Variants in LINGO2 observed in about 807,000 individuals in gnomAD.
The protein encoded by LINGO2 is leucine rich repeat and Ig domain containing 2, also known as leucine-rich repeat and immunoglobulin-like domain-containing nogo receptor-interacting protein 2.
Under a neutral mutation model 30.6 loss-of-function variants are expected in LINGO2, and 14 were observed. The observed-to-expected ratio is 0.46, with a 90% CI of 0.30 to 0.72. The LOEUF (loss-of-function observed/expected upper bound fraction) is 0.72. Among genes scored for constraint, LINGO2 ranks in the 30% least tolerant of loss-of-function variants. LINGO2 has a pLI of 0.07. For missense variants in LINGO2, 729 were observed against 751.7 expected (o/e 0.97, Z 0.35); for synonymous variants, 317 against 288.5 (o/e 1.10, Z -1.00).
At chr9:28,697,686 T>C in the LINGO2 span, among the ~76,000 whole-genome samples, 1 of 151,966 alleles carries the variant, frequency 6.6e-6, no homozygotes, top group Non-Finnish European at 1.5e-5. Flanking sequence ...TAACATAAGA[T>C]AGGCTAAGGA....
intron 4 of LINGO2, among the ~76,000 whole-genome samples, chr9:28,049,569 T>C (rs1824576055): frequency 6.6e-6 from 1 of 150,668 alleles, no homozygotes; most frequent in Non-Finnish European, 1.5e-5. Flanking sequence ...GGCTTCAGGT[T>C]CATGTTTAAG....
At chr9:28,974,069 A>C in the LINGO2 span, among the ~76,000 whole-genome samples, 6 of 152,236 alleles carry the variant, frequency 3.9e-5, no homozygotes, top group Non-Finnish European at 1.5e-5. Context: ...GAACCAATTC[A>C]AAATAGTAAC....
chr9:27,949,537 G>C lies in LINGO2; in HGVS notation c.1135C>G (p.Gln379Glu). Residue 379 changes from glutamine to glutamate, a missense_variant, in exon 6 of 6, where the codon CAA becomes GAA. Gln to Glu is a conservative substitution (Grantham distance 29). Coordinates refer to ENST00000379992, the Ensembl canonical transcript of LINGO2. ...GTGTCTGGGCCAGCACACATAGGTT[G>C]CTGGCCACCAAACTGCAGGGTGGGC... 6.2e-7 allele frequency: 1 copy of C among 1,614,078 alleles called. No homozygotes were observed. The highest frequency in any genetic ancestry group is 8.5e-7 in the Non-Finnish European group (1 of 1,179,976).
the LINGO2 span, among the ~76,000 whole-genome samples, chr9:28,775,918 T>C: frequency 6.6e-6 from 1 of 152,188 alleles, no homozygotes; most frequent in Admixed American, 6.5e-5. Context: ...TGTAACATCA[T>C]ATATCTTCTC....
chr9:28,635,484 C>G (rs1312283176), intron 1 of LINGO2, among the ~76,000 whole-genome samples: 1 of 151,826 alleles, frequency 6.6e-6, no homozygotes, highest in Non-Finnish European at 1.5e-5. Flanking sequence ...ATTCAGAGAA[C>G]AGGGGGAAAC....
the LINGO2 span, among the ~76,000 whole-genome samples, chr9:28,797,396 A>AGAGAGAGAGAGAGAGAGAGAGAGC: frequency 7.0e-6 from 1 of 143,262 alleles, no homozygotes; most frequent in Non-Finnish European, 1.5e-5. Flanking sequence ...AGAGAGAGAG[A>AGAGAGAGAGAGAGAGAGAGAGAGC]AAGCCTGCAG....
chr9:28,459,846 T>C (rs187868341), intron 2 of LINGO2, among the ~76,000 whole-genome samples: 20 of 152,256 alleles, frequency 1.3e-4, no homozygotes, highest in Admixed American at 1.2e-3. Context: ...ACAATATGTT[T>C]GCATATTGTT....
intron 2 of LINGO2, among the ~76,000 whole-genome samples, chr9:28,438,191 T>C (rs975726426): frequency 3.0e-4 from 45 of 152,260 alleles, no homozygotes; most frequent in African/African-American, 9.9e-4. Context: ...GGATGGTGAA[T>C]TTTATGGGTC....
intron 4 of LINGO2, among the ~76,000 whole-genome samples, chr9:28,183,173 A>C (rs1819418624): frequency 6.6e-6 from 1 of 152,160 alleles, no homozygotes; most frequent in Non-Finnish European, 1.5e-5. Context: ...ATGAAGCTGG[A>C]AGCCATCATC....
At chr9:28,865,739 G>T in the LINGO2 span, among the ~76,000 whole-genome samples, 17 of 152,218 alleles carry the variant, frequency 1.1e-4, no homozygotes, top group Middle Eastern at 3.4e-3. Flanking sequence ...AGCCAAGATC[G>T]TGCCACTGCG....
intron 4 of LINGO2, among the ~76,000 whole-genome samples, chr9:28,141,319 A>C (rs1233472234): frequency 3.3e-5 from 5 of 152,198 alleles, no homozygotes; most frequent in Non-Finnish European, 7.3e-5. Context: ...CCACAGGAGG[A>C]ATATTTGCAA....
chr9:27,981,544 A>G (rs75734736), intron 5 of LINGO2, among the ~76,000 whole-genome samples: 5 of 121,428 alleles, frequency 4.1e-5, no homozygotes, highest in African/African-American at 8.9e-5. Context: ...CAAAAAAAAA[A>G]AAAAAAGAAA....
chr9:28,162,980 G>C (rs1032002983), intron 4 of LINGO2, among the ~76,000 whole-genome samples: 3 of 152,184 alleles, frequency 2.0e-5, no homozygotes, highest in African/African-American at 7.2e-5. Context: ...ATGAACTGGA[G>C]AGAGTTGCTT....
the LINGO2 span, among the ~76,000 whole-genome samples, chr9:28,824,002 CAG>C: frequency 2.0e-5 from 3 of 151,160 alleles, no homozygotes; most frequent in East Asian, 5.8e-4. Flanking sequence ...ACCAAAGAAA[CAG>C]AAAAAAAAAG....
At chr9:28,723,067 A>G in the LINGO2 span, among the ~76,000 whole-genome samples, 1 of 152,120 alleles carries the variant, frequency 6.6e-6, no homozygotes, top group Admixed American at 6.6e-5. Context: ...AAAGCTATCC[A>G]GGTGGTTTAT....
chr9:28,109,005 T>C (rs759734049), intron 4 of LINGO2, among the ~76,000 whole-genome samples: 4 of 152,128 alleles, frequency 2.6e-5, no homozygotes, highest in Non-Finnish European at 4.4e-5. Context: ...AAGAAAATAC[T>C]GGCAAGCCAA....
chr9:28,123,867 C>T (rs543297476), intron 4 of LINGO2, among the ~76,000 whole-genome samples: 5 of 152,090 alleles, frequency 3.3e-5, no homozygotes, highest in South Asian at 2.1e-4. Context: ...GGGGTTTCAC[C>T]GTGTTAGCCA....
chr9:28,602,976 G>T (rs1032712131), intron 1 of LINGO2, among the ~76,000 whole-genome samples: 5 of 152,034 alleles, frequency 3.3e-5, no homozygotes, highest in African/African-American at 1.2e-4. Flanking sequence ...GAAAGCAGTT[G>T]TTCTTATACA....
At chr9:28,511,734 T>TCCAG (rs1292113104) in intron 1 of LINGO2, among the ~76,000 whole-genome samples, 1 of 152,182 alleles carries the variant, frequency 6.6e-6, no homozygotes, top group East Asian at 1.9e-4. Flanking sequence ...TCCCTGAACA[T>TCCAG]CCAGCCAAAC....
Sources: gnomAD v4.1 joint callset for allele counts (sites outside exome capture counted in the v4.1 genomes callset) on GRCh38, gnomAD v4.1.1 for gene constraint, MANE v1.5 for transcripts, NCBI Gene and HGNC (gene_info 2026-07-23, HGNC 2026-07-21) for gene names.